The following SPECC1L variants were observed in gnomAD, a reference collection of about 807,000 sequenced individuals.
SPECC1L encodes cytospin-A.
In SPECC1L, 40 loss-of-function variants were observed where a neutral mutation model predicts 116.8. That is an observed-to-expected ratio of 0.34 (90% CI 0.27 to 0.45). SPECC1L has a LOEUF of 0.45. SPECC1L is among the 20% of genes least tolerant of loss of function. The pLI is 1.00. For synonymous variants in SPECC1L, 504 were observed against 500.6 expected, an observed-to-expected ratio of 1.01 and a Z score of -0.09; for missense variants, 1,110 against 1,373.6, an observed-to-expected ratio of 0.81 and a Z score of 3.03.
chr22:24,352,650 A>G (rs1011526970), intron 11 of SPECC1L, among the ~76,000 whole-genome samples: 1 of 152,314 alleles, frequency 6.6e-6, no homozygotes, highest in Non-Finnish European at 1.5e-5. Context: ...TTTACTCTAA[A>G]TCAGATTCTG....
chr22:24,397,352 T>C (rs1318011785), intron 14 of SPECC1L, among the ~76,000 whole-genome samples: 2 of 152,216 alleles, frequency 1.3e-5, no homozygotes, highest in Non-Finnish European at 2.9e-5. Flanking sequence ...CCATGGTGCA[T>C]TTCATATCCA....
intron 2 of SPECC1L, among the ~76,000 whole-genome samples, chr22:24,282,251 G>C (rs553153683): frequency 6.6e-6 from 1 of 152,132 alleles, no homozygotes; most frequent in South Asian, 2.1e-4. Context: ...CTTCAGCTGC[G>C]TGACTCCTAA....
In SPECC1L at chr22:24,338,379, T is replaced by G. The variant is rs201749448; in HGVS notation, c.2561-7T>G. ...ATTATTTCCCTTTTTGTTTGTTGTT[T>G]TTGTAGTACCAAACCCTGCTGCAGC... On this transcript the variant is annotated splice_region_variant and splice_polypyrimidine_tract_variant and intron_variant, in intron 9 of 16. Coordinates refer to ENST00000314328, the MANE Select transcript of SPECC1L (RefSeq NM_015330.6). 7 of 1,613,612 alleles carry G rather than the reference T, an allele frequency of 4.3e-6. No individual in the cohort carries two copies. Among genetic ancestry groups the G allele is most frequent in the Non-Finnish European group, 5.9e-6 (7 of 1,179,738 alleles).
chr22:24,409,920 A>G (rs1000020284), intron 14 of SPECC1L, among the ~76,000 whole-genome samples: 3 of 152,002 alleles, frequency 2.0e-5, no homozygotes, highest in African/African-American at 7.3e-5. Context: ...AGTCCCAGCT[A>G]CTCAGGAGGC....
At chr22:24,336,513 A>G (rs1022218060) in intron 9 of SPECC1L, among the ~76,000 whole-genome samples, 8 of 152,114 alleles carry the variant, frequency 5.3e-5, no homozygotes, top group African/African-American at 1.9e-4. Context: ...AGGTGGTAAC[A>G]TGCTATCACC....
intron 2 of SPECC1L, among the ~76,000 whole-genome samples, chr22:24,285,744 A>G (rs567489175): frequency 1.3e-5 from 2 of 151,998 alleles, no homozygotes; most frequent in African/African-American, 2.4e-5. Context: ...CCTGGGTTCA[A>G]GTGATTCTCC....
At chr22:24,404,313 G>C (rs936422355) in intron 14 of SPECC1L, among the ~76,000 whole-genome samples, 1 of 152,124 alleles carries the variant, frequency 6.6e-6, no homozygotes, top group East Asian at 1.9e-4. Context: ...CGCACTTTCT[G>C]TCTCTCCGCA....
intron 9 of SPECC1L, among the ~76,000 whole-genome samples, chr22:24,336,974 C>G (rs1389203845): frequency 7.2e-5 from 11 of 152,168 alleles, no homozygotes; most frequent in Admixed American, 5.2e-4. Flanking sequence ...TTTTGCCTAA[C>G]TGTAGGCTAA....
chr22:24,409,238 G>C (rs926284015), intron 14 of SPECC1L, among the ~76,000 whole-genome samples: 3 of 152,134 alleles, frequency 2.0e-5, no homozygotes, highest in African/African-American at 7.2e-5. Flanking sequence ...TGGACGGTTT[G>C]CATTGAATAA....
chr22:24,415,463 T>C lies in SPECC1L; in HGVS notation c.*840T>C, dbSNP rs1406730393. On this transcript the variant is annotated 3_prime_UTR_variant, in exon 17 of 17. Coordinates refer to ENST00000314328, the MANE Select transcript of SPECC1L (RefSeq NM_015330.6). ...TACGAGCAATGCTGGAAAAGGTCGCTCCTGTTCTGTTAGTACCAAAGTTAC... is the reference window on the plus strand; with the variant it reads ...TACGAGCAATGCTGGAAAAGGTCGCCCCTGTTCTGTTAGTACCAAAGTTAC... The C allele has an allele frequency of 6.5e-6, 1 of 152,702 alleles. No homozygotes were observed. The highest frequency in any genetic ancestry group is 1.5e-5 in the Non-Finnish European group (1 of 68,106). 9.5% of individuals were successfully genotyped at this position (152,702 alleles called of 1,614,324 possible).
chr22:24,322,219 A>G lies in SPECC1L; in HGVS notation c.1239A>G (p.Glu413=), dbSNP rs748294687. Residue 413 remains glutamate, a synonymous_variant, in exon 5 of 17, where the codon GAA becomes GAG. Transcript: ENST00000314328. The part of the protein sequence containing the change: ...MEENQHSTSE[E]LQATLQELAD... ...AGAACCAACACAGTACAAGTGAGGA[A>G]CTCCAGGCAACCCTGCAAGAGCTAG... The G allele has an allele frequency of 1.9e-6, 3 of 1,614,112 alleles. No homozygotes were observed. In the South Asian group the frequency reaches 3.3e-5, roughly 18 times the overall value.
chr22:24,370,726 G>A (rs1226217942), intron 14 of SPECC1L, among the ~76,000 whole-genome samples: 6 of 152,198 alleles, frequency 3.9e-5, no homozygotes, highest in African/African-American at 1.4e-4. Context: ...ATAATACAAT[G>A]GAATACCATT....
chr22:24,304,006 A>G (rs1257133242), intron 3 of SPECC1L, among the ~76,000 whole-genome samples: 2 of 152,108 alleles, frequency 1.3e-5, no homozygotes, highest in Non-Finnish European at 2.9e-5. Flanking sequence ...AAGTAAAAAC[A>G]GAGAAGGAAA....
rs1325129578 is a variant in SPECC1L, at chr22:24,378,476, C to G, written c.3087+9156C>G. The stretch of plus-strand genomic sequence containing the variant: ...TTCAAGAACTTTTCCTCTGCATTCA[C>G]AACTTGGCTAACTGGCACAAGTGGC... On this transcript the variant is annotated intron_variant, in intron 14 of 16. Coordinates refer to ENST00000314328, the MANE Select transcript of SPECC1L (RefSeq NM_015330.6). Among the ~76,000 whole-genome samples the G allele has an allele frequency of 2.0e-5, 3 of 152,242 alleles. No homozygotes were observed. The East Asian group carries it at 5.8e-4, about 29-fold the overall frequency.
rs2041017826 is a variant in SPECC1L, at chr22:24,334,788, T to TC, written c.2560+218dup. Among the ~76,000 whole-genome samples the TC allele has an allele frequency of 1.3e-5, 2 of 152,226 alleles. 1 individual carries two copies. The highest frequency in any genetic ancestry group is 3.8e-4 in the East Asian group (2 of 5,206). On this transcript the variant is annotated intron_variant, in intron 9 of 16. Transcript: ENST00000314328. ...TGTTAGTCTTAGACAGAAGCCTGAA[T>TC]CCCATGCAGAGATGTGTCTTCTCAC...
At chr22:24,286,672 G>T (rs1275187626) in intron 2 of SPECC1L, among the ~76,000 whole-genome samples, 1 of 152,114 alleles carries the variant, frequency 6.6e-6, no homozygotes, top group Non-Finnish European at 1.5e-5. Context: ...TTAATAACAG[G>T]CCGTGAACTG....
At chr22:24,363,116 C>T in intron 11 of SPECC1L, 145 bp from the exon 12 acceptor site, 1 of 737,460 alleles carries the variant, frequency 1.4e-6, no homozygotes, top group South Asian at 1.5e-5. Context: ...GATAAACAGA[C>T]TATGGGAAAT....
At chr22:24,380,425 C>G (rs1176264909) in intron 14 of SPECC1L, among the ~76,000 whole-genome samples, 1 of 152,120 alleles carries the variant, frequency 6.6e-6, no homozygotes, top group Non-Finnish European at 1.5e-5. Context: ...ACATACTGCT[C>G]CCAGAGGCCC....
rs551165130 is a variant in SPECC1L, at chr22:24,332,697, T to C, written c.2397-1713T>C. On this transcript the variant is annotated intron_variant, in intron 8 of 16. Coordinates refer to ENST00000314328, the MANE Select transcript of SPECC1L (RefSeq NM_015330.6). ...TTAAAAATGCAAAGCCCTGTTACTC[T>C]TCTTACTAATTTTTTTTTTTGGTTT... is the stretch of plus-strand genomic sequence containing the variant. Among the ~76,000 whole-genome samples the C allele has an allele frequency of 2.2e-3, 332 of 152,194 alleles. 1 individual carries two copies. Among genetic ancestry groups the C allele is most frequent in the Non-Finnish European group, 3.6e-3 (247 of 68,012 alleles).
Sources: gnomAD v4.1 joint callset for allele counts (sites outside exome capture counted in the v4.1 genomes callset) on GRCh38, gnomAD v4.1.1 for gene constraint, MANE v1.5 for transcripts, NCBI Gene and HGNC (gene_info 2026-07-23, HGNC 2026-07-21) for gene names.